Variants in KLRF2 observed in about 807,000 individuals in gnomAD.
KLRF2 encodes the protein killer cell lectin like receptor F2.
KLRF2 carries 28 observed loss-of-function variants against 25.3 expected under a neutral mutation model. The ratio of observed to expected loss-of-function variants is 1.11; its 90% CI spans 0.82 to 1.52. The LOEUF is 1.52. Ranked by LOEUF, KLRF2 falls within the 40% of genes most tolerant of loss-of-function variation. KLRF2 has a pLI of 0.00. For synonymous variants in KLRF2, 73 were observed against 85.0 expected, an observed-to-expected ratio of 0.86 and a Z score of 0.78; for missense variants, 265 against 245.8, an observed-to-expected ratio of 1.08 and a Z score of -0.52.
chr12:9,887,289 G>C (rs1862609510), intron 2 of KLRF2, among the ~76,000 whole-genome samples: 2 of 152,040 alleles, frequency 1.3e-5, no homozygotes, highest in African/African-American at 4.8e-5. Context: ...AGATTAGATA[G>C]ATAAAGATAG....
At chr12:9,894,126 T>TTCTCTCTCTCTCTCTCTCTCTCTCTCTC (rs141327204) in intron 5 of KLRF2, among the ~76,000 whole-genome samples, 7 of 130,198 alleles carry the variant, frequency 5.4e-5, no homozygotes, top group African/African-American at 1.5e-4. Context: ...TTTCTTTTCT[T>TTCTCTCTCTCTCTCTCTCTCTCTCTCTC]TCTCTCTCTC....
At chr12:9,891,179 G>T (rs925203663) in intron 3 of KLRF2, among the ~76,000 whole-genome samples, 1 of 151,838 alleles carries the variant, frequency 6.6e-6, no homozygotes, top group Non-Finnish European at 1.5e-5. Context: ...GAAACTAAGT[G>T]TATATAAGGT....
chr12:9,893,950 A>C (rs1862719974), intron 5 of KLRF2, among the ~76,000 whole-genome samples: 1 of 152,184 alleles, frequency 6.6e-6, no homozygotes, highest in Admixed American at 6.5e-5. Flanking sequence ...TGGAGTTGAA[A>C]TCAGAAAACA....
chr12:9,894,024 T>C (rs1862720896), intron 5 of KLRF2, among the ~76,000 whole-genome samples: 1 of 151,980 alleles, frequency 6.6e-6, no homozygotes, highest in Non-Finnish European at 1.5e-5. Context: ...TTCTTTTTCT[T>C]TTCTTCTCTT....
intron 2 of KLRF2, among the ~76,000 whole-genome samples, chr12:9,887,021 A>G (rs1228508669): frequency 6.6e-6 from 1 of 152,184 alleles, no homozygotes; most frequent in Non-Finnish European, 1.5e-5. Flanking sequence ...CAGAAAAAAA[A>G]CATAAATAAA....
chr12:9,885,846 G>A (rs1438239044), intron 2 of KLRF2, among the ~76,000 whole-genome samples: 1 of 151,850 alleles, frequency 6.6e-6, no homozygotes, highest in African/African-American at 2.4e-5. Context: ...AATGTTAAAC[G>A]ACTATTTTTA....
chr12:9,882,695 C>T (rs537510652), intron 1 of KLRF2, among the ~76,000 whole-genome samples: 8 of 152,070 alleles, frequency 5.3e-5, no homozygotes, highest in Non-Finnish European at 1.2e-4. Flanking sequence ...GCAGGAGAAT[C>T]GCTTGAACCC....
Position 9,893,212 on chromosome 12 carries a change from CT to C in KLRF2, c.366+46del, listed in dbSNP as rs112769200. ...GATCTAACTGCACAAGGAAAAATGG[CT>C]TAGGTGCAAGTTCACTGCCTAAGAA... is the stretch of plus-strand genomic sequence containing the variant. On this transcript the variant is annotated intron_variant, in intron 4 of 5. Coordinates refer to ENST00000535540, the MANE Select transcript of KLRF2 (RefSeq NM_001190765.1). 2,590 of 1,504,060 alleles carry C rather than the reference CT, an allele frequency of 1.7e-3. 44 individuals carry two copies. The African/African-American group carries it at 0.032, about 19-fold the overall frequency. 93.2% of individuals were successfully genotyped at this position (1,504,060 alleles called of 1,614,324 possible).
chr12:9,887,830 G>A (rs962162991), intron 2 of KLRF2, among the ~76,000 whole-genome samples: 6 of 150,992 alleles, frequency 4.0e-5, no homozygotes, highest in African/African-American at 1.5e-4. Context: ...GGCAGGTGGA[G>A]CGCTTGAGCC....
At chr12:9,883,796 T>C (rs991830461) in intron 1 of KLRF2, among the ~76,000 whole-genome samples, 2 of 152,218 alleles carry the variant, frequency 1.3e-5, no homozygotes, top group Non-Finnish European at 2.9e-5. Flanking sequence ...GTATATACTA[T>C]AGATCTAATC....
intron 2 of KLRF2, among the ~76,000 whole-genome samples, chr12:9,886,170 C>T (rs1052576408): frequency 6.6e-6 from 1 of 151,964 alleles, no homozygotes; most frequent in Non-Finnish European, 1.5e-5. Context: ...ATATTTTTTT[C>T]TAGCCATATT....
At position 9,893,003 on chromosome 12, in the gene KLRF2, C is replaced by T. The variant is rs1175934982; in HGVS notation, c.218-17C>T. 3 of 1,520,558 alleles carry T rather than the reference C, an allele frequency of 2.0e-6. No individual in the cohort carries two copies. The highest frequency in any genetic ancestry group is 2.6e-6 in the Non-Finnish European group (3 of 1,135,580). 94.2% of individuals were successfully genotyped at this position (1,520,558 alleles called of 1,614,324 possible). A position where few individuals can be genotyped will look rare whatever the true frequency, so the allele number is the denominator to read the frequency against. On this transcript the variant is annotated splice_polypyrimidine_tract_variant and intron_variant, in intron 3 of 5. Coordinates refer to ENST00000535540, the MANE Select transcript of KLRF2 (RefSeq NM_001190765.1). ...GGCTGTAAAGTTTAATTAATTTTCC[C>T]CTATGTTTTCCTTTAGGACACAATT... is the stretch of plus-strand genomic sequence containing the variant.
In KLRF2 at chr12:9,893,006, A is replaced by C; in HGVS notation, c.218-14A>C. On this transcript the variant is annotated splice_polypyrimidine_tract_variant and intron_variant, in intron 3 of 5. Coordinates refer to ENST00000535540, the MANE Select transcript of KLRF2 (RefSeq NM_001190765.1). Reference sequence around the variant, plus strand: ...TGTAAAGTTTAATTAATTTTCCCCTATGTTTTCCTTTAGGACACAATTACT... The same window carrying C: ...TGTAAAGTTTAATTAATTTTCCCCTCTGTTTTCCTTTAGGACACAATTACT... 3 of 1,526,190 alleles carry C rather than the reference A, an allele frequency of 2.0e-6. No individual in the cohort carries two copies. The highest frequency in any genetic ancestry group is 2.6e-6 in the Non-Finnish European group (3 of 1,139,666). The allele number at this position is 1,526,190 out of a possible 1,614,324, so 94.5% of individuals were successfully genotyped here.
intron 2 of KLRF2, among the ~76,000 whole-genome samples, chr12:9,887,202 C>T (rs141713033): frequency 6.6e-6 from 1 of 151,826 alleles, no homozygotes; most frequent in Non-Finnish European, 1.5e-5. Flanking sequence ...AACCAAAAAA[C>T]ATGAGTTTTC....
At chr12:9,883,207 A>G (rs777042101) in intron 1 of KLRF2, among the ~76,000 whole-genome samples, 12 of 152,224 alleles carry the variant, frequency 7.9e-5, no homozygotes, top group African/African-American at 2.4e-5. Context: ...AGTTACACCT[A>G]TTCCTTAAGA....
At position 9,893,384 on chromosome 12, in the gene KLRF2, T is replaced by A. The variant is rs114353254; in HGVS notation, c.367-45T>A. On this transcript the variant is annotated intron_variant, in intron 4 of 5. Transcript: ENST00000535540. Reference sequence around the variant, plus strand: ...ACTTACACTATAGAAGGCATCAAAATTTTTTTAAACAAATGAATGAATAAA... The same window carrying A: ...ACTTACACTATAGAAGGCATCAAAAATTTTTTAAACAAATGAATGAATAAA... The A allele has an allele frequency of 5.5e-3, 5,669 of 1,023,106 alleles. 216 individuals carry two copies. In the African/African-American group the frequency reaches 0.078, roughly 14 times the overall value. The allele number at this position is 1,023,106 out of a possible 1,614,324, so 63.4% of individuals were successfully genotyped here. A position where few individuals can be genotyped will look rare whatever the true frequency, so the allele number is the denominator to read the frequency against.
At chr12:9,892,580 C>CTTTTTTTTT (rs66824753) in intron 3 of KLRF2, among the ~76,000 whole-genome samples, 1 of 104,836 alleles carries the variant, frequency 9.5e-6, no homozygotes, top group East Asian at 2.7e-4. Context: ...TACAGAACTG[C>CTTTTTTTTT]TTTTTTTTTT....
chr12:9,881,880 CGATGT>C (rs1555125741), intron 1 of KLRF2, among the ~76,000 whole-genome samples: 1 of 152,002 alleles, frequency 6.6e-6, no homozygotes, highest in Non-Finnish European at 1.5e-5. Context: ...GCGAATATGA[CGATGT>C]GTAATCCTGT....
At chr12:9,887,586 C>T (rs1862613257) in intron 2 of KLRF2, among the ~76,000 whole-genome samples, 1 of 151,932 alleles carries the variant, frequency 6.6e-6, no homozygotes. Flanking sequence ...TGAAGCTAGC[C>T]CAAGAATATA....
Sources: allele counts gnomAD v4.1 joint callset (sites outside exome capture counted in the v4.1 genomes callset), GRCh38; gene constraint gnomAD v4.1.1; transcripts MANE v1.5; gene names NCBI Gene and HGNC (gene_info 2026-07-23, HGNC 2026-07-21).